Variants in SNTG2 observed in about 807,000 individuals in gnomAD.
SNTG2 encodes the protein syntrophin gamma 2, also known as gamma-2-syntrophin.
Under a neutral mutation model 70.9 loss-of-function variants are expected in SNTG2, and 74 were observed. The ratio of observed to expected loss-of-function variants is 1.04; its 90% CI spans 0.86 to 1.27. The LOEUF (loss-of-function observed/expected upper bound fraction) is 1.27. Among genes scored for constraint, SNTG2 ranks in the 50% most tolerant of loss-of-function variants. The probability of loss-of-function intolerance (pLI) is 0.00; values close to 1 mark genes in which losing one functional copy is unlikely to be tolerated. For synonymous variants in SNTG2, 278 were observed against 273.8 expected (o/e 1.02, Z -0.15); for missense variants, 717 against 690.7 (o/e 1.04, Z -0.43).
chr2:1,028,482 G>T (rs921685940), intron 1 of SNTG2, among the ~76,000 whole-genome samples: 12 of 152,208 alleles, frequency 7.9e-5, no homozygotes, highest in African/African-American at 2.9e-4. Flanking sequence ...CCGAATGCTG[G>T]CTGAGAAGCT....
At chr2:1,142,413 G>A (rs1668816980) in intron 6 of SNTG2, among the ~76,000 whole-genome samples, 1 of 152,224 alleles carries the variant, frequency 6.6e-6, no homozygotes, top group African/African-American at 2.4e-5. Flanking sequence ...TTCAGTGGTG[G>A]CATAGCCCAG....
intron 1 of SNTG2, among the ~76,000 whole-genome samples, chr2:978,538 C>T (rs28541583): frequency 0.3 from 46,288 of 151,846 alleles, 7,455 homozygotes; most frequent in Middle Eastern, 0.41. Flanking sequence ...GTTTTTAATT[C>T]TCCGCTTATC....
intron 4 of SNTG2, among the ~76,000 whole-genome samples, chr2:1,099,223 G>A (rs773091213): frequency 7.9e-5 from 12 of 152,028 alleles, no homozygotes; most frequent in Admixed American, 2.0e-4. Context: ...CTGGACATGC[G>A]GTCCGTGTCG....
At chr2:1,350,548 G>A (rs928750940) in intron 16 of SNTG2, among the ~76,000 whole-genome samples, 9 of 152,186 alleles carry the variant, frequency 5.9e-5, no homozygotes, top group Non-Finnish European at 7.3e-5. Flanking sequence ...AAGGACAGCC[G>A]GATGCTGTTT....
At chr2:1,281,387 T>G in intron 14 of SNTG2, among the ~76,000 whole-genome samples, 1 of 133,676 alleles carries the variant, frequency 7.5e-6, no homozygotes, top group Non-Finnish European at 1.6e-5. Context: ...ATGTGGTGTG[T>G]GGTGTGTGTT....
chr2:1,243,254 C>T (rs748598907), intron 11 of SNTG2, among the ~76,000 whole-genome samples: 9 of 152,154 alleles, frequency 5.9e-5, no homozygotes, highest in South Asian at 4.2e-4. Context: ...TGTGTCAACC[C>T]GATATAGAAA....
intron 4 of SNTG2, among the ~76,000 whole-genome samples, chr2:1,132,195 G>GTGTGTATATATA (rs766431610): frequency 2.6e-5 from 4 of 151,668 alleles, no homozygotes; most frequent in Middle Eastern, 3.4e-3. Flanking sequence ...ATATATATGT[G>GTGTGTATATATA]TGTGTATATA....
intron 2 of SNTG2, among the ~76,000 whole-genome samples, chr2:1,090,113 G>A (rs1664928063): frequency 1.3e-5 from 2 of 152,060 alleles, no homozygotes; most frequent in Admixed American, 6.5e-5. Flanking sequence ...TGCTCATTTT[G>A]CAAACGTTAT....
At chr2:1,296,216 C>T (rs1160676713) in intron 14 of SNTG2, among the ~76,000 whole-genome samples, 2 of 152,250 alleles carry the variant, frequency 1.3e-5, no homozygotes, top group Non-Finnish European at 2.9e-5. Context: ...CTGATCTACT[C>T]ATCCTGGAAT....
chr2:1,085,829 C>T (rs1664651876), intron 2 of SNTG2, among the ~76,000 whole-genome samples: 1 of 152,080 alleles, frequency 6.6e-6, no homozygotes, highest in South Asian at 2.1e-4. Context: ...ATTTAGATTG[C>T]TTTATTTCTT....
In SNTG2 at chr2:1,254,839, TG is replaced by T. The variant is rs568156622; in HGVS notation, c.1006-4529del. 5.9e-5 allele frequency among the ~76,000 whole-genome samples: 9 copies of T among 152,340 alleles called. No homozygotes were observed. In the South Asian group the frequency reaches 1.7e-3, roughly 28 times the overall value. On this transcript the variant is annotated intron_variant, in intron 12 of 16. Coordinates refer to ENST00000308624, the MANE Select transcript of SNTG2 (RefSeq NM_018968.4). ...ACGTCTCTTTTGTTCCATGAGAGTCTGGAGAAAATCCAGGAATCTGCATACC... is the reference window on the plus strand; with the variant it reads ...ACGTCTCTTTTGTTCCATGAGAGTCTGAGAAAATCCAGGAATCTGCATACC...
At chr2:1,348,350 T>C (rs769821261) in intron 16 of SNTG2, among the ~76,000 whole-genome samples, 13 of 152,218 alleles carry the variant, frequency 8.5e-5, no homozygotes, top group Non-Finnish European at 1.5e-4. Flanking sequence ...GTGTGCCTCA[T>C]GATGCCTCTC....
Position 1,200,531 on chromosome 2 carries a change from A to G in SNTG2, c.592-8572A>G, listed in dbSNP as rs1246577738. On this transcript the variant is annotated intron_variant, in intron 8 of 16. Coordinates refer to ENST00000308624, the MANE Select transcript of SNTG2 (RefSeq NM_018968.4). The stretch of plus-strand genomic sequence containing the variant: ...TTTTAAAATAAACAAATGGAACTGT[A>G]TTAAACTAAAAAGCTTCTGCACAAC... Among the ~76,000 whole-genome samples, 4 of 152,072 alleles carry G rather than the reference A, an allele frequency of 2.6e-5. No homozygotes were observed. The East Asian group carries it at 7.7e-4, about 29-fold the overall frequency.
chr2:1,242,247 T>C (rs57442587), intron 11 of SNTG2, among the ~76,000 whole-genome samples: 48,380 of 152,072 alleles, frequency 0.32, 9,220 homozygotes, highest in African/African-American at 0.54. Context: ...AAAATTTTTT[T>C]TCACTCTGAA....
chr2:967,552 T>G lies in SNTG2; in HGVS notation c.72+16484T>G, dbSNP rs183806443. ...AATAACCTTACATTCTAGAGATAAATCCCCTTTGGTCACAATGTATCATCT... is the reference window on the plus strand; with the variant it reads ...AATAACCTTACATTCTAGAGATAAAGCCCCTTTGGTCACAATGTATCATCT... On this transcript the variant is annotated intron_variant, in intron 1 of 16. Transcript: ENST00000308624. Among the ~76,000 whole-genome samples, 39 of 152,316 alleles carry G rather than the reference T, an allele frequency of 2.6e-4. No individual in the cohort carries two copies. The Middle Eastern group carries it at 0.01, about 40-fold the overall frequency.
chr2:1,294,232 T>C (rs536236021), intron 14 of SNTG2, among the ~76,000 whole-genome samples: 23 of 152,152 alleles, frequency 1.5e-4, no homozygotes, highest in Admixed American at 5.9e-4. Flanking sequence ...TCAGGTCCCA[T>C]TGGGGACAGA....
chr2:1,005,933 A>G (rs1659558028), intron 1 of SNTG2, among the ~76,000 whole-genome samples: 2 of 144,958 alleles, frequency 1.4e-5, no homozygotes, highest in African/African-American at 5.1e-5. Context: ...TGGATGAAAA[A>G]TTTTACATGC....
At chr2:1,124,587 C>T (rs546103401) in intron 4 of SNTG2, among the ~76,000 whole-genome samples, 96 of 152,144 alleles carry the variant, frequency 6.3e-4, no homozygotes, top group Non-Finnish European at 8.2e-4. Flanking sequence ...TGAGCCACCG[C>T]GCCCGGCCTA....
intron 12 of SNTG2, among the ~76,000 whole-genome samples, chr2:1,257,315 C>T: frequency 6.6e-6 from 1 of 152,140 alleles, no homozygotes; most frequent in East Asian, 1.9e-4. Flanking sequence ...AGAATTCTGG[C>T]CTGAATTGTG....
Sources: gnomAD v4.1 joint callset for allele counts (sites outside exome capture counted in the v4.1 genomes callset) on GRCh38, gnomAD v4.1.1 for gene constraint, MANE v1.5 for transcripts, NCBI Gene and HGNC (gene_info 2026-07-23, HGNC 2026-07-21) for gene names.